Variants in GRM5 observed in about 807,000 individuals in gnomAD.
GRM5 encodes the protein metabotropic glutamate receptor 5.
In GRM5, 19 loss-of-function variants were observed where a neutral mutation model predicts 83.1. The ratio of observed to expected loss-of-function variants is 0.23; its 90% CI spans 0.16 to 0.34. The LOEUF (loss-of-function observed/expected upper bound fraction) is 0.34, where lower values mean the gene tolerates loss of function less well. GRM5 is among the 10% of genes least tolerant of loss of function. The pLI, the probability that GRM5 is intolerant of heterozygous loss-of-function variation, is 1.00. For synonymous variants in GRM5, 675 were observed against 633.6 expected (o/e 1.07, Z -0.98); for missense variants, 1,160 against 1,588.3 (o/e 0.73, Z 4.58).
intron 2 of GRM5, among the ~76,000 whole-genome samples, chr11:89,011,423 C>T (rs181737642): frequency 3.9e-5 from 6 of 152,198 alleles, no homozygotes; most frequent in South Asian, 2.1e-4. Flanking sequence ...ATAAGGGAGA[C>T]GACATCTTCA....
chr11:88,838,084 C>CAAAAAAAAAAAA lies in GRM5; in HGVS notation c.911+11810_911+11821dup, dbSNP rs1157680177. ...TGGGTGACAGAGCGAGACTCCATCT[C>CAAAAAAAAAAAA]AAAAAAAAAAAAAAAAAAAAAAAAA... On this transcript the variant is annotated intron_variant, in intron 3 of 9. Transcript: ENST00000305447. Among the ~76,000 whole-genome samples the CAAAAAAAAAAAA allele has an allele frequency of 1.8e-4, 10 of 55,442 alleles. 1 individual carries two copies. The highest frequency in any genetic ancestry group is 2.7e-4 in the Non-Finnish European group (8 of 29,930). 36.4% of individuals were successfully genotyped at this position (55,442 alleles called of 152,430 possible).
rs1190797737 is a variant in GRM5, at chr11:88,850,168, A to G, written c.662-13T>C. 9.0e-7 allele frequency: 1 copy of G among 1,113,442 alleles called. No individual in the cohort carries two copies. The highest frequency in any genetic ancestry group is 2.4e-5 in the East Asian group (1 of 42,284). 69.0% of individuals were successfully genotyped at this position (1,113,442 alleles called of 1,614,324 possible). A position where few individuals can be genotyped will look rare whatever the true frequency, so the allele number is the denominator to read the frequency against. ...TCTCCATAGTTGCCTGTGTGAAAAC[A>G]TAGATAAGCAGAGGGATAGTGAAAT... On this transcript the variant is annotated splice_polypyrimidine_tract_variant and intron_variant, in intron 2 of 9. Coordinates refer to ENST00000305447, the MANE Select transcript of GRM5 (RefSeq NM_001143831.3).
chr11:89,029,661 G>A (rs1014437663), intron 2 of GRM5, among the ~76,000 whole-genome samples: 3 of 152,150 alleles, frequency 2.0e-5, no homozygotes, highest in Non-Finnish European at 2.9e-5. Context: ...GATTATTCCA[G>A]ATGCATCCCT....
At chr11:88,765,616 TGCTTGG>T (rs1253881395) in intron 3 of GRM5, among the ~76,000 whole-genome samples, 4 of 151,648 alleles carry the variant, frequency 2.6e-5, no homozygotes, top group Admixed American at 1.3e-4. Flanking sequence ...CAACAAATGA[TGCTTGG>T]ATAACTGGAT....
intron 2 of GRM5, among the ~76,000 whole-genome samples, chr11:89,006,837 A>G (rs1187151248): frequency 1.3e-5 from 2 of 152,114 alleles, no homozygotes; most frequent in African/African-American, 2.4e-5. Context: ...TCTCTCTGTC[A>G]CCCAGGCTGG....
chr11:88,727,096 A>T (rs571404440), intron 3 of GRM5, among the ~76,000 whole-genome samples: 13 of 152,336 alleles, frequency 8.5e-5, no homozygotes, highest in African/African-American at 3.1e-4. Context: ...TAGTCAGGCA[A>T]ATTGGATAAA....
intron 7 of GRM5, among the ~76,000 whole-genome samples, chr11:88,590,237 G>A (rs949993506): frequency 2.0e-5 from 3 of 152,138 alleles, no homozygotes; most frequent in African/African-American, 7.2e-5. Flanking sequence ...TCTTGGATAT[G>A]TCATGACATA....
intron 4 of GRM5, among the ~76,000 whole-genome samples, chr11:88,629,826 G>A (rs925972110): frequency 6.7e-6 from 1 of 149,940 alleles, no homozygotes; most frequent in East Asian, 1.9e-4. Context: ...GCCAGTTCAA[G>A]TCCTGTCTTT....
chr11:89,011,864 T>C (rs752252213), intron 2 of GRM5, among the ~76,000 whole-genome samples: 14 of 152,200 alleles, frequency 9.2e-5, no homozygotes, highest in Non-Finnish European at 2.9e-5. Flanking sequence ...TTCATAGATG[T>C]TTTCATAGAT....
chr11:88,786,415 A>C (rs776314906), intron 3 of GRM5, among the ~76,000 whole-genome samples: 1 of 152,118 alleles, frequency 6.6e-6, no homozygotes, highest in South Asian at 2.1e-4. Context: ...TAACATCACA[A>C]ATCCTCTGAA....
Position 88,517,621 on chromosome 11 carries a change from A to G in GRM5, c.2726+7688T>C, listed in dbSNP as rs1438255873. Among the ~76,000 whole-genome samples the G allele has an allele frequency of 3.3e-5, 5 of 152,278 alleles. No homozygotes were observed. In the East Asian group the frequency reaches 9.6e-4, roughly 29 times the overall value. ...AATATGCCAATAAGATTAGTTGGAC[A>G]CAATTCCCAAATTTTATCCATATCT... On this transcript the variant is annotated intron_variant, in intron 9 of 9. Transcript: ENST00000305447.
intron 3 of GRM5, among the ~76,000 whole-genome samples, chr11:88,784,934 C>T (rs1215325490): frequency 5.3e-5 from 8 of 152,016 alleles, no homozygotes; most frequent in Non-Finnish European, 8.8e-5. Flanking sequence ...CTCTATATGA[C>T]ATATAAATCA....
intron 8 of GRM5, among the ~76,000 whole-genome samples, chr11:88,528,575 A>G (rs1941934277): frequency 6.6e-6 from 1 of 152,096 alleles, no homozygotes; most frequent in Admixed American, 6.6e-5. Flanking sequence ...ATCATGGAAT[A>G]TCAATTTTAA....
At chr11:88,621,166 G>T (rs1230466679) in intron 4 of GRM5, among the ~76,000 whole-genome samples, 17 of 152,110 alleles carry the variant, frequency 1.1e-4, no homozygotes, top group Admixed American at 9.8e-4. Context: ...AGATTGTGTG[G>T]CAAAAACCAT....
intron 2 of GRM5, among the ~76,000 whole-genome samples, chr11:88,936,777 T>C (rs897133411): frequency 3.3e-5 from 5 of 151,982 alleles, no homozygotes; most frequent in Non-Finnish European, 5.9e-5. Flanking sequence ...TATAAGGGCA[T>C]TGAAAAAGCC....
chr11:89,050,429 G>A (rs547368076), intron 1 of GRM5, among the ~76,000 whole-genome samples: 1 of 152,070 alleles, frequency 6.6e-6, no homozygotes, highest in South Asian at 2.1e-4. Context: ...TATACTTGTG[G>A]GCCTTACATA....
intron 3 of GRM5, among the ~76,000 whole-genome samples, chr11:88,769,646 A>G (rs1942691542): frequency 6.6e-6 from 1 of 152,064 alleles, no homozygotes; most frequent in South Asian, 2.1e-4. Flanking sequence ...AAGGCACAAG[A>G]ATCAACTGAA....
chr11:88,855,815 A>G (rs1944465575), intron 2 of GRM5, among the ~76,000 whole-genome samples: 1 of 152,022 alleles, frequency 6.6e-6, no homozygotes, highest in Non-Finnish European at 1.5e-5. Context: ...TCTTTTCAAA[A>G]CTGTGAGCCC....
chr11:88,835,871 A>G (rs1324625668), intron 3 of GRM5, among the ~76,000 whole-genome samples: 1 of 152,204 alleles, frequency 6.6e-6, no homozygotes, highest in Non-Finnish European at 1.5e-5. Flanking sequence ...GCCTGTTGCA[A>G]TTGCTTTGAA....
Sources: allele counts gnomAD v4.1 joint callset (sites outside exome capture counted in the v4.1 genomes callset), GRCh38; gene constraint gnomAD v4.1.1; transcripts MANE v1.5; gene names NCBI Gene and HGNC (gene_info 2026-07-23, HGNC 2026-07-21).